Variants in NME9 observed in about 807,000 individuals in gnomAD.
NME9 encodes the protein thioredoxin domain-containing protein 6.
NME9 carries 48 observed loss-of-function variants against 44.4 expected under a neutral mutation model. The observed-to-expected ratio is 1.08, with a 90% CI of 0.86 to 1.37. The LOEUF is 1.37. NME9 is among the 40% of genes most tolerant of loss of function. The pLI, the probability that NME9 is intolerant of heterozygous loss-of-function variation, is 0.00. For synonymous variants in NME9, 139 were observed against 147.1 expected, an observed-to-expected ratio of 0.94 and a Z score of 0.40; for missense variants, 325 against 405.2, an observed-to-expected ratio of 0.80 and a Z score of 1.70.
rs779842422 is a variant in NME9, at chr3:138,324,830, T to G, written c.91+43A>C. 7 of 1,453,366 alleles carry G rather than the reference T, an allele frequency of 4.8e-6. No homozygotes were observed. In the South Asian group the frequency reaches 8.1e-5, roughly 17 times the overall value. 90.0% of individuals were successfully genotyped at this position (1,453,366 alleles called of 1,614,324 possible). On this transcript the variant is annotated intron_variant, in intron 2 of 10. Coordinates refer to ENST00000333911, the MANE Select transcript of NME9 (RefSeq NM_001349018.2). ...ATGGTTCATCACACCATTTAATAATTTAGAAAAGAATGGATCTAAAAAGTT... is the reference window on the plus strand; with the variant it reads ...ATGGTTCATCACACCATTTAATAATGTAGAAAAGAATGGATCTAAAAAGTT...
intron 2 of NME9, 132 bp downstream of exon 2, chr3:138,324,741 T>G: frequency 1.3e-5 from 8 of 602,064 alleles, no homozygotes; most frequent in East Asian, 6.3e-5. Context: ...CACACACACA[T>G]CACCTGGTTT....
chr3:138,319,599 G>A lies in NME9; in HGVS notation c.92-18C>T, dbSNP rs2053331678. On this transcript the variant is annotated intron_variant, in intron 2 of 10. Transcript: ENST00000333911. ...ATCAACAACTGTGTGGAACCAAGAA[G>A]CAGGAACATTCAGTAGACGCCAGTG... 6.9e-7 allele frequency: 1 copy of A among 1,439,096 alleles called. No individual in the cohort carries two copies. The highest frequency in any genetic ancestry group is 2.3e-5 in the East Asian group (1 of 44,122). 89.1% of individuals were successfully genotyped at this position (1,439,096 alleles called of 1,614,324 possible).
chr3:138,293,118 G>A (rs2051132107), intron 8 of NME9, among the ~76,000 whole-genome samples: 1 of 152,182 alleles, frequency 6.6e-6, no homozygotes, highest in African/African-American at 2.4e-5. Context: ...TGGCTGTCAG[G>A]TTGTCTGCTC....
intron 1 of NME9, among the ~76,000 whole-genome samples, chr3:138,327,479 G>A (rs2053869433): frequency 2.0e-5 from 3 of 152,152 alleles, no homozygotes; most frequent in Admixed American, 2.0e-4. Flanking sequence ...TCAGCCCTGG[G>A]AGCCAGGCAA....
chr3:138,325,011 C>A, intron 1 of NME9, 81 bp from the exon 2 acceptor site: 2 of 1,101,574 alleles, frequency 1.8e-6, no homozygotes, highest in Non-Finnish European at 2.8e-6. Context: ...CTAGATTTCT[C>A]TCTTCTATCT....
intron 1 of NME9, 92 bp downstream of exon 1, chr3:138,329,211 A>C: frequency 1.8e-6 from 2 of 1,125,754 alleles, no homozygotes; most frequent in Non-Finnish European, 2.6e-6. Context: ...TGGCAAACAG[A>C]ATGTCACTTT....
At chr3:138,277,629 T>G (rs1447854518) in intron 8 of NME9, among the ~76,000 whole-genome samples, 2 of 152,164 alleles carry the variant, frequency 1.3e-5, no homozygotes, top group African/African-American at 4.8e-5. Flanking sequence ...TCTTTTAGAA[T>G]AGCTAAAAAT....
intron 5 of NME9, among the ~76,000 whole-genome samples, chr3:138,314,824 G>C (rs939538544): frequency 1.3e-5 from 2 of 152,104 alleles, no homozygotes; most frequent in Non-Finnish European, 2.9e-5. Flanking sequence ...AGTTTTCTTG[G>C]GAAAAATATG....
chr3:138,262,683 T>A (rs186353365), intron 8 of NME9: 2 of 1,052,606 alleles, frequency 1.9e-6, no homozygotes, highest in Non-Finnish European at 2.5e-6. Flanking sequence ...GACATAGGAT[T>A]AAAAAAAAAA....
rs10580643 is a variant in NME9 at position 138,322,485 on chromosome 3, GGTGTGTGT to G, written c.91+2380_91+2387del. On this transcript the variant is annotated intron_variant, in intron 2 of 10. Coordinates refer to ENST00000333911, the MANE Select transcript of NME9 (RefSeq NM_001349018.2). ...AGGAATGGCAGAGACAAGAAAAAGGGGTGTGTGTGTGTGTGTGTGTGTGTGTGTGTGTG... is the reference window on the plus strand; with the variant it reads ...AGGAATGGCAGAGACAAGAAAAAGGGGTGTGTGTGTGTGTGTGTGTGTGTG... Among the ~76,000 whole-genome samples, 343 of 146,398 alleles carry G rather than the reference GGTGTGTGT, an allele frequency of 2.3e-3. 2 individuals carry two copies. Among genetic ancestry groups the G allele is most frequent in the South Asian group, 4.2e-3 (19 of 4,472 alleles).
downstream of NME9, among the ~76,000 whole-genome samples, chr3:138,300,186 G>A (rs551824998): frequency 4.6e-5 from 7 of 152,298 alleles, no homozygotes; most frequent in African/African-American, 1.4e-4. Flanking sequence ...GAGCACTGTG[G>A]ACATGTGTGT....
intron 8 of NME9, among the ~76,000 whole-genome samples, chr3:138,287,338 C>T (rs959725711): frequency 2.0e-5 from 3 of 152,064 alleles, no homozygotes; most frequent in Non-Finnish European, 4.4e-5. Context: ...ATTTCAAGCC[C>T]CTTGCTCTTT....
intron 1 of NME9, among the ~76,000 whole-genome samples, chr3:138,326,799 T>C (rs1372811651): frequency 6.6e-6 from 1 of 151,964 alleles, no homozygotes; most frequent in African/African-American, 2.4e-5. Flanking sequence ...GGATGCATTA[T>C]TGGCAATAAG....
At chr3:138,285,667 T>C (rs1434106749) in intron 8 of NME9, among the ~76,000 whole-genome samples, 2 of 152,198 alleles carry the variant, frequency 1.3e-5, no homozygotes, top group East Asian at 1.9e-4. Flanking sequence ...TTTAGTGATA[T>C]ATGTTTGTGT....
At chr3:138,287,317 TC>T (rs1319555088) in intron 8 of NME9, among the ~76,000 whole-genome samples, 1 of 152,124 alleles carries the variant, frequency 6.6e-6, no homozygotes, top group East Asian at 1.9e-4. Context: ...GAACTTTTTC[TC>T]CTGCTTGGAA....
chr3:138,265,414 A>G (rs79641653), intron 8 of NME9, among the ~76,000 whole-genome samples: 3,659 of 152,260 alleles, frequency 0.024, 124 homozygotes, highest in African/African-American at 0.081. Flanking sequence ...CATTTAGTCA[A>G]CTTAATTTTT....
At chr3:138,321,401 CTCCT>C (rs1220209800) in intron 2 of NME9, among the ~76,000 whole-genome samples, 2 of 152,332 alleles carry the variant, frequency 1.3e-5, no homozygotes, top group East Asian at 3.9e-4. Context: ...AAGGAATAAA[CTCCT>C]TCCATCAAAC....
At chr3:138,300,019 C>T (rs1470550219), downstream of NME9, among the ~76,000 whole-genome samples, 1 of 152,114 alleles carries the variant, frequency 6.6e-6, no homozygotes, top group East Asian at 1.9e-4. Flanking sequence ...GGGCACAGAC[C>T]ATATGGGCCC....
chr3:138,307,507 CT>C (rs766939491), intron 6 of NME9, among the ~76,000 whole-genome samples: 1 of 152,218 alleles, frequency 6.6e-6, no homozygotes, highest in Non-Finnish European at 1.5e-5. Flanking sequence ...GGCTTCTACT[CT>C]GAAAAATCTC....
Sources: gnomAD v4.1 joint callset for allele counts (sites outside exome capture counted in the v4.1 genomes callset) on GRCh38, gnomAD v4.1.1 for gene constraint, MANE v1.5 for transcripts, NCBI Gene and HGNC (gene_info 2026-07-23, HGNC 2026-07-21) for gene names.